The following SLC36A2 variants were observed in gnomAD, a reference collection of about 807,000 sequenced individuals.
The protein encoded by SLC36A2 is solute carrier family 36 member 2, also known as proton-coupled amino acid transporter 2.
Under a neutral mutation model 42.7 loss-of-function variants are expected in SLC36A2, and 39 were observed. The ratio of observed to expected loss-of-function variants is 0.91; its 90% CI spans 0.71 to 1.19. SLC36A2 has a LOEUF of 1.19. Among genes scored for constraint, SLC36A2 ranks in the 50% most tolerant of loss-of-function variants. The probability of loss-of-function intolerance (pLI) is 0.00; values close to 1 mark genes in which losing one functional copy is unlikely to be tolerated. For missense variants in SLC36A2, 590 were observed against 613.7 expected, an observed-to-expected ratio of 0.96 and a Z score of 0.41; for synonymous variants, 237 against 240.8, an observed-to-expected ratio of 0.98 and a Z score of 0.15.
At chr5:151,320,638 G>A (rs1275534823) in intron 9 of SLC36A2, among the ~76,000 whole-genome samples, 1 of 152,196 alleles carries the variant, frequency 6.6e-6, no homozygotes, top group African/African-American at 2.4e-5. Flanking sequence ...GCTGCTGTGA[G>A]CCAGGGAGTG....
At chr5:151,332,272 C>T (rs772034338) in intron 7 of SLC36A2, among the ~76,000 whole-genome samples, 13 of 152,080 alleles carry the variant, frequency 8.5e-5, no homozygotes, top group African/African-American at 1.7e-4. Flanking sequence ...GATTTTGTAT[C>T]TGGAATATAT....
intron 5 of SLC36A2, 42 bp downstream of exon 5, chr5:151,339,012 GTGTCCT>G (rs759256986): frequency 7.4e-7 from 1 of 1,345,626 alleles, no homozygotes; most frequent in East Asian, 2.4e-5. Context: ...TAGCAGTGGC[GTGTCCT>G]TGTCCATCTT....
At position 151,329,219 on chromosome 5, in the gene SLC36A2, A is replaced by G. The variant is rs138208588; in HGVS notation, c.844-3767T>C. Among the ~76,000 whole-genome samples, 1,011 of 152,354 alleles carry G rather than the reference A, an allele frequency of 6.6e-3. 9 individuals are homozygous for G. The highest frequency in any genetic ancestry group is 0.023 in the African/African-American group (975 of 41,576). ...AATTGGCACTGTGTAGCACATGAGC[A>G]GGGTAGAGCCAAATATCACTTCATG... On this transcript the variant is annotated intron_variant, in intron 7 of 9. Transcript: ENST00000335244.
At chr5:151,326,037 CAA>C in intron 7 of SLC36A2, among the ~76,000 whole-genome samples, 1 of 150,236 alleles carries the variant, frequency 6.7e-6, no homozygotes, top group Admixed American at 6.6e-5. Flanking sequence ...TTCAATTAAA[CAA>C]AAAAAGGAAA....
chr5:151,346,003 G>A (rs879456869), intron 1 of SLC36A2, among the ~76,000 whole-genome samples: 3 of 152,186 alleles, frequency 2.0e-5, no homozygotes, highest in Admixed American at 1.3e-4. Context: ...GTGGGAATTC[G>A]AGTCTGGGTG....
chr5:151,345,417 T>A (rs1305638062), intron 1 of SLC36A2, among the ~76,000 whole-genome samples: 2 of 152,194 alleles, frequency 1.3e-5, no homozygotes, highest in Non-Finnish European at 2.9e-5. Flanking sequence ...TCAGGAGTGA[T>A]GCTATTTTTA....
chr5:151,345,553 G>A (rs894614469), intron 1 of SLC36A2, among the ~76,000 whole-genome samples: 26 of 152,254 alleles, frequency 1.7e-4, no homozygotes, highest in African/African-American at 6.0e-4. Flanking sequence ...ACAATCGAGG[G>A]AGAAAGGGGG....
intron 9 of SLC36A2, among the ~76,000 whole-genome samples, chr5:151,320,674 C>T (rs1369787477): frequency 1.3e-5 from 2 of 152,288 alleles, no homozygotes; most frequent in Admixed American, 1.3e-4. Context: ...AATAGGCAAG[C>T]ACAGGACCGT....
chr5:151,344,378 C>T (rs1271312107), intron 1 of SLC36A2, 111 bp from the exon 2 acceptor site: 2 of 898,262 alleles, frequency 2.2e-6, no homozygotes, highest in African/African-American at 1.6e-5. Flanking sequence ...AGCCATCTCT[C>T]AGTCCATGAG....
intron 7 of SLC36A2, among the ~76,000 whole-genome samples, chr5:151,329,910 G>T (rs1346479292): frequency 6.6e-6 from 1 of 152,132 alleles, no homozygotes; most frequent in Non-Finnish European, 1.5e-5. Context: ...TTCATGGGCT[G>T]CAAAACCTGT....
At chr5:151,318,627 AATT>A (rs1561649270) in intron 9 of SLC36A2, among the ~76,000 whole-genome samples, 1 of 147,306 alleles carries the variant, frequency 6.8e-6, no homozygotes, top group South Asian at 2.1e-4. Context: ...TAAATAAATA[AATT>A]ATTTTTTAAA....
chr5:151,323,426 T>G (rs1755758393), intron 8 of SLC36A2, among the ~76,000 whole-genome samples: 1 of 152,200 alleles, frequency 6.6e-6, no homozygotes, highest in Non-Finnish European at 1.5e-5. Context: ...GTTTTTGAAA[T>G]TCCCCTGTTC....
At chr5:151,341,608 C>T (rs1173198732) in intron 4 of SLC36A2, among the ~76,000 whole-genome samples, 1 of 152,104 alleles carries the variant, frequency 6.6e-6, no homozygotes, top group Admixed American at 6.5e-5. Flanking sequence ...CCCCTGAGAG[C>T]TAAAAGGTGG....
At chr5:151,324,083 T>C (rs1001250504) in intron 8 of SLC36A2, among the ~76,000 whole-genome samples, 11 of 152,214 alleles carry the variant, frequency 7.2e-5, no homozygotes, top group African/African-American at 4.8e-5. Flanking sequence ...AACTATTGCA[T>C]GAATTGAGTA....
At chr5:151,331,065 G>C (rs1279834945) in intron 7 of SLC36A2, among the ~76,000 whole-genome samples, 1 of 152,128 alleles carries the variant, frequency 6.6e-6, no homozygotes, top group African/African-American at 2.4e-5. Context: ...TTTTTGACAA[G>C]AGTGTCAAAA....
At chr5:151,334,943 C>T (rs1756105835) in intron 6 of SLC36A2, among the ~76,000 whole-genome samples, 1 of 151,140 alleles carries the variant, frequency 6.6e-6, no homozygotes, top group South Asian at 2.1e-4. Context: ...CTATTGGGTA[C>T]CTGAAATTGT....
rs576471984 is a variant in SLC36A2, at chr5:151,343,532, A to G, written c.322T>C (p.Cys108Arg). 9.3e-6 allele frequency: 15 copies of G among 1,614,230 alleles called. 1 individual carries two copies. The South Asian group carries it at 1.1e-4, about 12-fold the overall frequency. Reference protein sequence around the residue: ...ACHCMHILVKCAQRFCKRLNK... With the variant: ...ACHCMHILVKRAQRFCKRLNK... ...CACCTCTTACAGAAGCGCTGGGCAC[A>G]CTTGACCAGGATGTGCATACAGTGG... The change falls in exon 3 of 10, where the codon TGT (cysteine) becomes CGT (arginine). Residue 108 changes from cysteine to arginine, a missense_variant. Physicochemically the swap from Cys to Arg is radical, Grantham distance 180. Coordinates refer to ENST00000335244, the MANE Select transcript of SLC36A2 (RefSeq NM_181776.3).
intron 6 of SLC36A2, among the ~76,000 whole-genome samples, chr5:151,333,855 A>G (rs1756069454): frequency 1.3e-5 from 2 of 152,022 alleles, no homozygotes; most frequent in South Asian, 4.2e-4. Flanking sequence ...AAACAAAACA[A>G]TCCTCCAAAA....
chr5:151,340,201 GGA>G (rs1756295316), intron 4 of SLC36A2, among the ~76,000 whole-genome samples: 4 of 136,080 alleles, frequency 2.9e-5, no homozygotes, highest in South Asian at 2.2e-4. Flanking sequence ...TGGAGGAGGA[GGA>G]GAGGAGGAGG....
Sources: gnomAD v4.1 joint callset for allele counts (sites outside exome capture counted in the v4.1 genomes callset) on GRCh38, gnomAD v4.1.1 for gene constraint, MANE v1.5 for transcripts, NCBI Gene and HGNC (gene_info 2026-07-23, HGNC 2026-07-21) for gene names.